Variants in AGBL1 observed in about 807,000 individuals in gnomAD.
AGBL1 encodes AGBL carboxypeptidase 1.
In AGBL1, 130 loss-of-function variants were observed where a neutral mutation model predicts 118.9. The observed-to-expected ratio is 1.09, with a 90% CI of 0.95 to 1.26. The LOEUF (loss-of-function observed/expected upper bound fraction) is 1.26. Ranked by LOEUF, AGBL1 falls within the 50% of genes most tolerant of loss-of-function variation. AGBL1 has a pLI of 0.00. For missense variants in AGBL1, 1,584 were observed against 1,298.1 expected (o/e 1.22, Z -3.38); for synonymous variants, 555 against 478.9 (o/e 1.16, Z -2.08).
chr15:86,291,393 C>T (rs1460430046), intron 16 of AGBL1, among the ~76,000 whole-genome samples: 3 of 148,714 alleles, frequency 2.0e-5, no homozygotes, highest in East Asian at 1.9e-4. Context: ...TACACACACA[C>T]ACCACACAGA....
intron 22 of AGBL1, among the ~76,000 whole-genome samples, chr15:86,894,614 A>G (rs2080096490): frequency 6.6e-6 from 1 of 152,156 alleles, no homozygotes; most frequent in Admixed American, 6.6e-5. Context: ...AACAGTTAAT[A>G]AGATTGGAGG....
chr15:86,809,556 A>G (rs1386073091), intron 22 of AGBL1, among the ~76,000 whole-genome samples: 2 of 152,176 alleles, frequency 1.3e-5, no homozygotes, highest in African/African-American at 2.4e-5. Context: ...GTGAGCAGCC[A>G]TTAGTGTTAG....
At chr15:86,403,194 A>T (rs997930132) in intron 18 of AGBL1, among the ~76,000 whole-genome samples, 2 of 152,134 alleles carry the variant, frequency 1.3e-5, no homozygotes, top group Non-Finnish European at 2.9e-5. Flanking sequence ...ATGATTCCCA[A>T]TCTTTTTATC....
At chr15:86,441,939 T>C (rs1295386766) in intron 18 of AGBL1, among the ~76,000 whole-genome samples, 3 of 152,228 alleles carry the variant, frequency 2.0e-5, no homozygotes, top group Non-Finnish European at 2.9e-5. Flanking sequence ...GTTAAGGTCA[T>C]GCTTGAAAGA....
intron 5 of AGBL1, among the ~76,000 whole-genome samples, chr15:86,162,219 G>C (rs1281590538): frequency 6.6e-6 from 1 of 152,140 alleles, no homozygotes; most frequent in African/African-American, 2.4e-5. Context: ...TCGCATGTCA[G>C]GGGGCATGGA....
intron 18 of AGBL1, among the ~76,000 whole-genome samples, chr15:86,455,333 C>T (rs149680304): frequency 6.6e-6 from 1 of 152,088 alleles, no homozygotes; most frequent in Non-Finnish European, 1.5e-5. Context: ...AAGCCAGGGT[C>T]AGAGAAGTTA....
chr15:87,029,156 C>A, downstream of AGBL1: 1 of 243,592 alleles, frequency 4.1e-6, no homozygotes. Flanking sequence ...AGGTACTTCA[C>A]ATAGATAGTC....
At chr15:86,897,762 A>ATTTTTT (rs2080149520) in intron 22 of AGBL1, among the ~76,000 whole-genome samples, 1 of 85,616 alleles carries the variant, frequency 1.2e-5, no homozygotes, top group African/African-American at 4.7e-5. Context: ...TTCATCTTTT[A>ATTTTTT]TCTTTTTTTT....
intron 23 of AGBL1, among the ~76,000 whole-genome samples, chr15:86,925,285 T>C (rs994564414): frequency 2.6e-4 from 40 of 151,908 alleles, no homozygotes; most frequent in South Asian, 4.2e-4. Flanking sequence ...TGGTGATTGA[T>C]TGGGGAGGTA....
At chr15:86,148,913 A>G (rs974378419) in intron 3 of AGBL1, among the ~76,000 whole-genome samples, 1 of 152,250 alleles carries the variant, frequency 6.6e-6, no homozygotes, top group Middle Eastern at 3.2e-3. Context: ...AGCCCATCAG[A>G]CTAACAGCGG....
intron 19 of AGBL1, among the ~76,000 whole-genome samples, chr15:86,527,956 C>A (rs530288586): frequency 5.9e-5 from 9 of 152,298 alleles, no homozygotes; most frequent in African/African-American, 1.9e-4. Flanking sequence ...TCCATCCAAC[C>A]ACTTATCCAT....
At chr15:86,474,411 G>A (rs1373952666) in intron 18 of AGBL1, among the ~76,000 whole-genome samples, 1 of 152,194 alleles carries the variant, frequency 6.6e-6, no homozygotes, top group Admixed American at 6.5e-5. Context: ...TTAGCAAGTG[G>A]CACACCAGGA....
intron 18 of AGBL1, among the ~76,000 whole-genome samples, chr15:86,429,088 C>A (rs1445689852): frequency 6.6e-6 from 1 of 152,214 alleles, no homozygotes; most frequent in African/African-American, 2.4e-5. Flanking sequence ...GCTCTGCCTC[C>A]TCACAAAGAC....
At chr15:86,683,335 A>G (rs1567120242) in intron 22 of AGBL1, among the ~76,000 whole-genome samples, 1 of 152,212 alleles carries the variant, frequency 6.6e-6, no homozygotes, top group Non-Finnish European at 1.5e-5. Flanking sequence ...AGATTAATGT[A>G]TACCATTATA....
chr15:86,651,163 G>T (rs539126457), intron 21 of AGBL1, among the ~76,000 whole-genome samples: 1 of 152,230 alleles, frequency 6.6e-6, no homozygotes, highest in South Asian at 2.1e-4. Flanking sequence ...TCTGACCACA[G>T]CCTCAGAGTT....
intron 4 of AGBL1, among the ~76,000 whole-genome samples, chr15:86,156,622 T>G (rs1229578973): frequency 1.3e-5 from 2 of 152,172 alleles, no homozygotes; most frequent in Non-Finnish European, 2.9e-5. Context: ...ACATGGCAAC[T>G]GCTTGATAAT....
At chr15:86,743,107 G>C (rs779251473) in intron 22 of AGBL1, among the ~76,000 whole-genome samples, 36 of 152,076 alleles carry the variant, frequency 2.4e-4, no homozygotes, top group Non-Finnish European at 4.4e-4. Flanking sequence ...CAATGTTAAA[G>C]ACTTGAACAT....
chr15:86,737,258 G>A (rs1034043019), intron 22 of AGBL1, among the ~76,000 whole-genome samples: 1 of 152,148 alleles, frequency 6.6e-6, no homozygotes, highest in Non-Finnish European at 1.5e-5. Context: ...CGGAGGAGGT[G>A]ATATCTGAGC....
intron 3 of AGBL1, among the ~76,000 whole-genome samples, chr15:86,146,187 G>C (rs867220984): frequency 3.9e-5 from 6 of 152,062 alleles, no homozygotes; most frequent in South Asian, 4.1e-4. Flanking sequence ...CCATTTCTGT[G>C]GGTTCTGCAC....
Sources: gnomAD v4.1 joint callset for allele counts (sites outside exome capture counted in the v4.1 genomes callset) on GRCh38, gnomAD v4.1.1 for gene constraint, MANE v1.5 for transcripts, NCBI Gene and HGNC (gene_info 2026-07-23, HGNC 2026-07-21) for gene names.